MLH3: variants seen among roughly 807,000 people sequenced by gnomAD.
MLH3 encodes DNA mismatch repair protein Mlh3.
A neutral mutation model predicts 122.2 loss-of-function variants in MLH3; 82 were observed. The observed-to-expected ratio is 0.67, with a 90% CI of 0.56 to 0.81. The LOEUF (loss-of-function observed/expected upper bound fraction) is 0.81. Ranked by LOEUF, MLH3 falls within the 30% of genes least tolerant of loss-of-function variation. The probability of loss-of-function intolerance (pLI) is 0.00; values close to 1 mark genes in which losing one functional copy is unlikely to be tolerated. For missense variants in MLH3, 1,539 were observed against 1,714.5 expected (o/e 0.90, Z 1.81); for synonymous variants, 524 against 599.5 (o/e 0.87, Z 1.84).
chr14:75,023,067 T>C (rs1257399268), intron 9 of MLH3, 49 bp from the exon 10 acceptor site: 2 of 1,603,484 alleles, frequency 1.2e-6, no homozygotes, highest in Non-Finnish European at 1.7e-6. Flanking sequence ...ATGTTTTACT[T>C]GCCCTTTGAT....
In MLH3 at chr14:75,038,983, G is replaced by A. The variant is rs557301446; in HGVS notation, c.3571-571C>T. Among the ~76,000 whole-genome samples the A allele has an allele frequency of 6.9e-4, 105 of 151,540 alleles. 1 individual carries two copies. The highest frequency in any genetic ancestry group is 2.4e-3 in the African/African-American group (99 of 41,296). On this transcript the variant is annotated intron_variant, in intron 5 of 12. Coordinates refer to ENST00000355774, the MANE Select transcript of MLH3 (RefSeq NM_001040108.2). ...TGCCATTCTCCTGCCTCAGCCTCCC[G>A]AGTAGCTGGGAGTACAGGTGCCCGC... is the stretch of plus-strand genomic sequence containing the variant.
chr14:75,042,926 T>C (rs140747752), intron 2 of MLH3, among the ~76,000 whole-genome samples: 49 of 152,134 alleles, frequency 3.2e-4, no homozygotes, highest in African/African-American at 1.1e-3. Flanking sequence ...CAGGCATGCG[T>C]CACCACACCC....
intron 8 of MLH3, among the ~76,000 whole-genome samples, chr14:75,031,342 TAAGAGTCTAG>T (rs1285580978): frequency 1.7e-4 from 26 of 152,314 alleles, no homozygotes; most frequent in Non-Finnish European, 2.9e-5. Flanking sequence ...TAATGAAAAC[TAAGAGTCTAG>T]AATGCACCAA....
Position 75,016,637 on chromosome 14 carries a change from G to A in MLH3, c.*445C>T. 1 of 292,676 alleles carries A rather than the reference G, an allele frequency of 3.4e-6. No homozygotes were observed. Among genetic ancestry groups the A allele is most frequent in the South Asian group, 4.3e-5 (1 of 23,424 alleles). 18.1% of individuals were successfully genotyped at this position (292,676 alleles called of 1,614,324 possible). A position where few individuals can be genotyped will look rare whatever the true frequency, so the allele number is the denominator to read the frequency against. Reference sequence around the variant, plus strand: ...ACTGAAGGGAAAAGAGGGGACCAGTGCAGAAACCCTGGGGGCAGCCTGGGA... The same window carrying A: ...ACTGAAGGGAAAAGAGGGGACCAGTACAGAAACCCTGGGGGCAGCCTGGGA... On this transcript the variant is annotated 3_prime_UTR_variant, in exon 13 of 13. Coordinates refer to ENST00000355774, the MANE Select transcript of MLH3 (RefSeq NM_001040108.2).
Position 75,051,192 on chromosome 14 carries a change from G to T in MLH3, c.-64+188C>A, listed in dbSNP as rs570425197. 1.9e-4 allele frequency among the ~76,000 whole-genome samples: 29 copies of T among 152,218 alleles called. No individual in the cohort carries two copies. In the East Asian group the frequency reaches 5.6e-3, roughly 29 times the overall value. Reference sequence around the variant, plus strand: ...CGGGGCAGCGCTGCCTTCCCGCCAGGCCCAGCCCCTCCCTGGCCAGCCCCG... The same window carrying T: ...CGGGGCAGCGCTGCCTTCCCGCCAGTCCCAGCCCCTCCCTGGCCAGCCCCG... On this transcript the variant is annotated intron_variant, in intron 1 of 12. Transcript: ENST00000355774.
Position 75,041,720 on chromosome 14 carries a change from G to GT in MLH3, c.3380-21dup. 6.3e-7 allele frequency: 1 copy of GT among 1,588,322 alleles called. No individual in the cohort carries two copies. The highest frequency in any genetic ancestry group is 8.6e-7 in the Non-Finnish European group (1 of 1,156,420). ...CAGTATCTAGGGCAAAAGGGAACAG[G>GT]TAAAGTTGGCATCCAGAACCACAGG... On this transcript the variant is annotated intron_variant, in intron 3 of 12. Coordinates refer to ENST00000355774, the MANE Select transcript of MLH3 (RefSeq NM_001040108.2).
Position 75,048,232 on chromosome 14 carries a change from G to A in MLH3, c.1424C>T (p.Thr475Ile), listed in dbSNP as rs376219506. The A allele has an allele frequency of 1.2e-6, 2 of 1,613,570 alleles. No homozygotes were observed. Among genetic ancestry groups the A allele is most frequent in the Admixed American group, 1.7e-5 (1 of 59,940 alleles). ...TTCTCCAGCTTCTGATGCTACAATT[G>A]TCTCTTGTTCTAACATCTTTGATTC... ...CSESKMLEQE[T>I]IVASEAGENE... Residue 475 changes from threonine (T) to isoleucine (I), a missense_variant, in exon 2 of 13, where the codon ACA becomes ATA. By Grantham distance (89) the Thr-to-Ile change is moderately conservative. Coordinates refer to ENST00000355774, the MANE Select transcript of MLH3 (RefSeq NM_001040108.2).
At chr14:75,018,211 T>C (rs28757054) in intron 12 of MLH3, among the ~76,000 whole-genome samples, 2,912 of 152,326 alleles carry the variant, frequency 0.019, 57 homozygotes, top group African/African-American at 0.045. Flanking sequence ...ATGTTCTCCA[T>C]GTTCTCCTTC....
intron 2 of MLH3, among the ~76,000 whole-genome samples, chr14:75,042,760 T>C (rs1237836883): frequency 6.6e-6 from 1 of 151,902 alleles, no homozygotes; most frequent in Non-Finnish European, 1.5e-5. Flanking sequence ...CGAGGGGACA[T>C]TGGCAATGTC....
rs541868537 is a variant in MLH3 at position 75,028,661 on chromosome 14, G to A, written c.3987+1882C>T. ...TTGAACTCCAGACCTCAAATGATCCGCCCGCCTTGGCCTCCCAAAATGCTG... is the reference window on the plus strand; with the variant it reads ...TTGAACTCCAGACCTCAAATGATCCACCCGCCTTGGCCTCCCAAAATGCTG... On this transcript the variant is annotated intron_variant, in intron 9 of 12. Coordinates refer to ENST00000355774, the MANE Select transcript of MLH3 (RefSeq NM_001040108.2). Among the ~76,000 whole-genome samples the A allele has an allele frequency of 1.7e-3, 260 of 150,772 alleles. 2 individuals are homozygous for A. Among genetic ancestry groups the A allele is most frequent in the African/African-American group, 6.0e-3 (246 of 41,112 alleles).
At chr14:75,036,881 A>T (rs1056595518) in intron 6 of MLH3, 3 of 410,244 alleles carry the variant, frequency 7.3e-6, no homozygotes, top group Non-Finnish European at 1.5e-5. Flanking sequence ...GTCCCATCTA[A>T]CCATGTCTCA....
chr14:75,031,932 A>G, intron 8 of MLH3, 136 bp downstream of exon 8: 1 of 709,996 alleles, frequency 1.4e-6, no homozygotes, highest in Non-Finnish European at 2.5e-6. Context: ...CTACTTAATA[A>G]CTGCTATGAC....
chr14:75,022,744 G>A (rs968394595), intron 11 of MLH3, 70 bp downstream of exon 11: 7 of 1,375,808 alleles, frequency 5.1e-6, no homozygotes, highest in East Asian at 2.3e-5. Context: ...TGCCTCTTTT[G>A]TAATCCCGGC....
chr14:75,039,014 C>T lies in MLH3; in HGVS notation c.3571-602G>A, dbSNP rs372311391. ...CTGGGAGTACAGGTGCCCGCCACCA[C>T]GCCCAGCTAATTTTTTGTATTTTTA... is the stretch of plus-strand genomic sequence containing the variant. On this transcript the variant is annotated intron_variant, in intron 5 of 12. Coordinates refer to ENST00000355774, the MANE Select transcript of MLH3 (RefSeq NM_001040108.2). Among the ~76,000 whole-genome samples the T allele has an allele frequency of 1.1e-3, 170 of 151,934 alleles. 1 individual carries two copies. Among genetic ancestry groups the T allele is most frequent in the African/African-American group, 3.4e-3 (141 of 41,460 alleles).
rs986197313 is a variant in MLH3 at position 75,014,935 on chromosome 14, G to A, written c.*2147C>T. On this transcript the variant is annotated 3_prime_UTR_variant, in exon 13 of 13. Coordinates refer to ENST00000355774, the MANE Select transcript of MLH3 (RefSeq NM_001040108.2). ...AAACCAGTTAACAGCTCCGAGCTTCGAAGTTTTATTATACAAAGGTGACAA... is the reference window on the plus strand; with the variant it reads ...AAACCAGTTAACAGCTCCGAGCTTCAAAGTTTTATTATACAAAGGTGACAA... 3.3e-5 allele frequency: 6 copies of A among 179,542 alleles called. No individual in the cohort carries two copies. Among genetic ancestry groups the A allele is most frequent in the Non-Finnish European group, 4.8e-5 (4 of 83,878 alleles). The allele number at this position is 179,542 out of a possible 1,614,324, so 11.1% of individuals were successfully genotyped here.
rs1322703002 is a variant in MLH3 at position 75,038,342 on chromosome 14, G to A, written c.3641C>T (p.Ala1214Val). The A allele has an allele frequency of 3.7e-6, 6 of 1,611,846 alleles. No individual in the cohort carries two copies. The South Asian group carries it at 6.6e-5, about 18-fold the overall frequency. The change falls in exon 6 of 13, where the codon GCA becomes GTA. Residue 1214 changes from alanine to valine, a missense_variant and splice_region_variant. Ala to Val is a moderately conservative substitution (Grantham distance 64, BLOSUM62 0). Transcript: ENST00000355774. ...TTCAGGCTAAACTCCATTCTTACCT[G>A]CCTCGCCATTCTCTTCAGTCTTAGT... ...MSTKTEENGEAGGNLLVLVDQ... is the reference protein window; with the variant it reads ...MSTKTEENGEVGGNLLVLVDQ...
intron 11 of MLH3, among the ~76,000 whole-genome samples, chr14:75,022,150 C>T (rs1890321919): frequency 6.6e-6 from 1 of 152,102 alleles, no homozygotes; most frequent in Non-Finnish European, 1.5e-5. Context: ...GTAACAGACA[C>T]CTGGGCCTAC....
At position 75,049,091 on chromosome 14, in the gene MLH3, A is replaced by G. The variant is rs757893863; in HGVS notation, c.565T>C (p.Leu189=). ...ATGGAACCAGAAACATCATTTCTCA[A>G]AGAGAAAGAAATGGAAGGGTGCATG... ...SLMHPSISFS[L]RNDVSGSMVL... The change falls in exon 2 of 13, where the codon TTG becomes CTG. Residue 189 remains leucine, a synonymous_variant. Coordinates refer to ENST00000355774, the MANE Select transcript of MLH3 (RefSeq NM_001040108.2). 1.9e-6 allele frequency: 3 copies of G among 1,614,050 alleles called. No individual in the cohort carries two copies. The highest frequency in any genetic ancestry group is 2.5e-6 in the Non-Finnish European group (3 of 1,179,982).
rs1043316806 is a variant in MLH3, at chr14:75,016,451, A to C, written c.*631T>G. The stretch of plus-strand genomic sequence containing the variant: ...ACAAAAAACCCGGAACAGGACTTTA[A>C]ATTTTCTCTGTTCTATCCTTGTCCT... On this transcript the variant is annotated 3_prime_UTR_variant, in exon 13 of 13. Coordinates refer to ENST00000355774, the MANE Select transcript of MLH3 (RefSeq NM_001040108.2). 2.6e-5 allele frequency: 5 copies of C among 190,968 alleles called. No homozygotes were observed. Among genetic ancestry groups the C allele is most frequent in the Non-Finnish European group, 5.5e-5 (5 of 91,198 alleles). The allele number at this position is 190,968 out of a possible 1,614,324, so 11.8% of individuals were successfully genotyped here. A position where few individuals can be genotyped will look rare whatever the true frequency, so the allele number is the denominator to read the frequency against.
Sources: allele counts gnomAD v4.1 joint callset (sites outside exome capture counted in the v4.1 genomes callset), GRCh38; gene constraint gnomAD v4.1.1; transcripts MANE v1.5; gene names NCBI Gene and HGNC (gene_info 2026-07-23, HGNC 2026-07-21).